Variants in DIAPH3 observed in about 807,000 individuals in gnomAD.
The protein encoded by DIAPH3 is protein diaphanous homolog 3.
DIAPH3 carries 117 observed loss-of-function variants against 144.3 expected under a neutral mutation model. That is an observed-to-expected ratio of 0.81 (90% CI 0.70 to 0.95). The LOEUF (loss-of-function observed/expected upper bound fraction) is 0.95, where lower values mean the gene tolerates loss of function less well. DIAPH3 is among the 40% of genes least tolerant of loss of function. DIAPH3 has a pLI of 0.00. For synonymous variants in DIAPH3, 519 were observed against 488.9 expected, an observed-to-expected ratio of 1.06 and a Z score of -0.81; for missense variants, 1,421 against 1,412.7, an observed-to-expected ratio of 1.01 and a Z score of -0.09.
intron 5 of DIAPH3, among the ~76,000 whole-genome samples, chr13:60,040,707 G>A (rs2055600330): frequency 6.6e-6 from 1 of 152,042 alleles, no homozygotes; most frequent in South Asian, 2.1e-4. Context: ...AGTGTGAATT[G>A]TCTCCCCAGT....
intron 27 of DIAPH3, among the ~76,000 whole-genome samples, chr13:59,687,775 T>C (rs2033293026): frequency 6.6e-6 from 1 of 152,014 alleles, no homozygotes; most frequent in Non-Finnish European, 1.5e-5. Flanking sequence ...GAACTGCCCA[T>C]AGAAGTACAG....
chr13:59,685,467 G>T (rs529371737), intron 27 of DIAPH3, among the ~76,000 whole-genome samples: 3 of 152,114 alleles, frequency 2.0e-5, no homozygotes, highest in South Asian at 2.1e-4. Flanking sequence ...GCAGGTATGT[G>T]GACACATTAG....
At chr13:59,747,162 A>G (rs1462004678) in intron 27 of DIAPH3, among the ~76,000 whole-genome samples, 1 of 152,182 alleles carries the variant, frequency 6.6e-6, no homozygotes, top group African/African-American at 2.4e-5. Flanking sequence ...CTATAAACAA[A>G]TATACTAAAA....
At chr13:59,763,261 C>T (rs1566275587) in intron 27 of DIAPH3, among the ~76,000 whole-genome samples, 1 of 150,916 alleles carries the variant, frequency 6.6e-6, no homozygotes, top group South Asian at 2.1e-4. Flanking sequence ...AGTGTATATA[C>T]ATATGTACAC....
rs2038283554 is a variant in DIAPH3, at chr13:59,774,357, A to G, written c.3260-109T>C. The G allele has an allele frequency of 5.7e-6, 5 of 877,274 alleles. No individual in the cohort carries two copies. The South Asian group carries it at 7.9e-5, about 14-fold the overall frequency. The allele number at this position is 877,274 out of a possible 1,614,324, so 54.3% of individuals were successfully genotyped here. A position where few individuals can be genotyped will look rare whatever the true frequency, so the allele number is the denominator to read the frequency against. ...CAAGGTTATGTATTTCTGGCAGCAA[A>G]GTAATGCTTCAATATCCTGAAATAC... On this transcript the variant is annotated intron_variant, in intron 26 of 27. Coordinates refer to ENST00000400324, the MANE Select transcript of DIAPH3 (RefSeq NM_001042517.2).
chr13:60,108,623 T>A (rs1225836), intron 3 of DIAPH3, among the ~76,000 whole-genome samples: 114,646 of 151,848 alleles, frequency 0.76, 43,389 homozygotes, highest in Admixed American at 0.81. Context: ...AAATAAAAAT[T>A]AAAAAATGAA....
intron 25 of DIAPH3, among the ~76,000 whole-genome samples, chr13:59,798,826 G>C (rs2039743448): frequency 6.6e-6 from 1 of 152,176 alleles, no homozygotes. Context: ...AGGAGGAAGT[G>C]GCGCATATTG....
At chr13:59,774,336 G>T in intron 26 of DIAPH3, 88 bp from the exon 27 acceptor site, 12 of 1,124,988 alleles carry the variant, frequency 1.1e-5, no homozygotes, top group South Asian at 1.0e-4. Context: ...TTTTTCCAAG[G>T]TTATGTATTT....
chr13:59,677,159 G>A (rs2032685764), intron 27 of DIAPH3, among the ~76,000 whole-genome samples: 1 of 151,886 alleles, frequency 6.6e-6, no homozygotes, highest in Non-Finnish European at 1.5e-5. Flanking sequence ...CTAAACCCAA[G>A]CATGGCATGA....
intron 24 of DIAPH3, among the ~76,000 whole-genome samples, chr13:59,813,782 T>C (rs1002591488): frequency 4.0e-5 from 6 of 149,758 alleles, no homozygotes; most frequent in Non-Finnish European, 3.0e-5. Flanking sequence ...GAACCTGGGA[T>C]GCAGGCGGCA....
intron 24 of DIAPH3, among the ~76,000 whole-genome samples, chr13:59,819,460 C>T (rs1004097853): frequency 2.6e-5 from 4 of 151,682 alleles, no homozygotes; most frequent in South Asian, 4.2e-4. Flanking sequence ...CCTAGTAAAT[C>T]GTATTGTGAT....
At chr13:59,852,570 T>C (rs1247265815) in intron 22 of DIAPH3, among the ~76,000 whole-genome samples, 1 of 152,124 alleles carries the variant, frequency 6.6e-6, no homozygotes, top group Non-Finnish European at 1.5e-5. Flanking sequence ...GGCAGAAAAA[T>C]AGAACTCATT....
At position 59,825,941 on chromosome 13, in the gene DIAPH3, T is replaced by G. The variant is rs557779176; in HGVS notation, c.3027+7166A>C. Among the ~76,000 whole-genome samples the G allele has an allele frequency of 3.2e-4, 49 of 152,270 alleles. No individual in the cohort carries two copies. In the East Asian group the frequency reaches 8.7e-3, roughly 27 times the overall value. On this transcript the variant is annotated intron_variant, in intron 24 of 27. Coordinates refer to ENST00000400324, the MANE Select transcript of DIAPH3 (RefSeq NM_001042517.2). ...ACCAAAGACAAAAACCACATGATTA[T>G]CTCAATAGATGCAGAAAAGGCCTTT...
intron 18 of DIAPH3, among the ~76,000 whole-genome samples, chr13:59,917,613 A>G (rs2047283838): frequency 6.6e-6 from 1 of 152,042 alleles, no homozygotes; most frequent in African/African-American, 2.4e-5. Context: ...AGATTTGGCC[A>G]GGCACGGTGG....
chr13:59,953,841 A>T (rs1349209135), intron 17 of DIAPH3, among the ~76,000 whole-genome samples: 1 of 152,208 alleles, frequency 6.6e-6, no homozygotes, highest in Admixed American at 6.5e-5. Flanking sequence ...AAATCTGAAG[A>T]TAGTTTGCAT....
At chr13:59,980,444 G>A (rs1251122645) in intron 14 of DIAPH3, among the ~76,000 whole-genome samples, 1 of 151,522 alleles carries the variant, frequency 6.6e-6, no homozygotes, top group Non-Finnish European at 1.5e-5. Flanking sequence ...AAAGGGCCAG[G>A]AATTGTTCCT....
intron 27 of DIAPH3, among the ~76,000 whole-genome samples, chr13:59,683,981 T>C (rs1010790863): frequency 6.6e-6 from 1 of 151,946 alleles, no homozygotes; most frequent in Non-Finnish European, 1.5e-5. Context: ...GGAACTTGAA[T>C]AACATTTCTC....
chr13:59,702,518 G>C (rs372316039), intron 27 of DIAPH3, among the ~76,000 whole-genome samples: 1 of 152,076 alleles, frequency 6.6e-6, no homozygotes, highest in Non-Finnish European at 1.5e-5. Flanking sequence ...TAGAACACAC[G>C]CACACAAACC....
intron 20 of DIAPH3, among the ~76,000 whole-genome samples, chr13:59,909,567 C>T (rs1282907657): frequency 6.6e-6 from 1 of 152,048 alleles, no homozygotes; most frequent in Non-Finnish European, 1.5e-5. Context: ...TCCACCAATA[C>T]AATTACCTTT....
Sources: allele counts gnomAD v4.1 joint callset (sites outside exome capture counted in the v4.1 genomes callset), GRCh38; gene constraint gnomAD v4.1.1; transcripts MANE v1.5; gene names NCBI Gene and HGNC (gene_info 2026-07-23, HGNC 2026-07-21).